PARD3B: variants seen among roughly 807,000 people sequenced by gnomAD.
PARD3B encodes par-3 family cell polarity regulator beta, also known as partitioning defective 3 homolog B.
A neutral mutation model predicts 130.2 loss-of-function variants in PARD3B; 103 were observed. The observed-to-expected ratio is 0.79, with a 90% CI of 0.67 to 0.93. PARD3B has a LOEUF of 0.93. Ranked by LOEUF, PARD3B falls within the 40% of genes least tolerant of loss-of-function variation. The pLI is 0.00. For missense variants in PARD3B, 1,609 were observed against 1,499.2 expected (o/e 1.07, Z -1.21); for synonymous variants, 583 against 553.2 (o/e 1.05, Z -0.76).
At chr2:205,542,608 C>T (rs2052206695) in intron 21 of PARD3B, among the ~76,000 whole-genome samples, 1 of 152,096 alleles carries the variant, frequency 6.6e-6, no homozygotes, top group Non-Finnish European at 1.5e-5. Context: ...TAGGACAGGT[C>T]TGATAATGTT....
rs1002459475 is a variant in PARD3B, at chr2:205,309,592, C to T, written c.2630+7891C>T. On this transcript the variant is annotated intron_variant, in intron 18 of 22. Coordinates refer to ENST00000406610, the MANE Select transcript of PARD3B (RefSeq NM_001302769.2). This position sits in a 1 kb window ranked among gnomAD's most constrained non-coding sequence, Gnocchi z 4.7. Reference sequence around the variant, plus strand: ...TCCTACACACACATCACACCTACCACTACCACCACAAACAACACACCACCA... The same window carrying T: ...TCCTACACACACATCACACCTACCATTACCACCACAAACAACACACCACCA... Among the ~76,000 whole-genome samples, 7 of 152,184 alleles carry T rather than the reference C, an allele frequency of 4.6e-5. No homozygotes were observed. Among genetic ancestry groups the T allele is most frequent in the Non-Finnish European group, 7.4e-5 (5 of 68,018 alleles).
chr2:204,724,835 T>TG (rs1299471501), intron 2 of PARD3B, among the ~76,000 whole-genome samples: 2 of 5,298 alleles, frequency 3.8e-4, no homozygotes, highest in South Asian at 6.0e-3. Flanking sequence ...CATCGAATAG[T>TG]GGGGGGCGGG....
At chr2:204,599,999 A>G (rs141028134) in intron 1 of PARD3B, among the ~76,000 whole-genome samples, 1 of 151,752 alleles carries the variant, frequency 6.6e-6, no homozygotes, top group African/African-American at 2.4e-5. Flanking sequence ...TTTGAAAAAT[A>G]CCTGTTCAGA....
intron 2 of PARD3B, among the ~76,000 whole-genome samples, chr2:204,902,531 T>TGGTGGCGGGCGC (rs2046899834): frequency 6.6e-6 from 1 of 151,602 alleles, no homozygotes; most frequent in Non-Finnish European, 1.5e-5. Flanking sequence ...TAGCCGGGCG[T>TGGTGGCGGGCGC]GGTGGCGGGC....
chr2:205,254,088 TAAAAAA>T (rs11287171), intron 16 of PARD3B, among the ~76,000 whole-genome samples: 4,442 of 75,968 alleles, frequency 0.058, 94 homozygotes, highest in Middle Eastern at 0.098. Context: ...GTAGAGAAAT[TAAAAAA>T]AAAAAAAAAA....
chr2:205,457,658 T>C lies in PARD3B; in HGVS notation c.3044+16986T>C. On this transcript the variant is annotated intron_variant, in intron 20 of 22. Coordinates refer to ENST00000406610, the MANE Select transcript of PARD3B (RefSeq NM_001302769.2). ...AAACAGTTTTATTTCATCTTTATTT[T>C]TAAGGATATTTTCTCTAGGTATGTA... 1.3e-5 allele frequency among the ~76,000 whole-genome samples: 2 copies of C among 152,086 alleles called. 1 individual carries two copies. The highest frequency in any genetic ancestry group is 2.9e-5 in the Non-Finnish European group (2 of 67,982).
intron 4 of PARD3B, among the ~76,000 whole-genome samples, chr2:205,077,725 GAT>G (rs142004646): frequency 1.3e-5 from 2 of 151,170 alleles, no homozygotes. Context: ...GGACGTCTGG[GAT>G]ATATATATAT....
intron 18 of PARD3B, among the ~76,000 whole-genome samples, chr2:205,385,266 T>C (rs1649075265): frequency 6.6e-6 from 1 of 152,152 alleles, no homozygotes; most frequent in Non-Finnish European, 1.5e-5. Context: ...TGCCTTTCTT[T>C]CCTAAATCCC....
intron 15 of PARD3B, among the ~76,000 whole-genome samples, chr2:205,200,172 C>T (rs1190570456): frequency 6.6e-6 from 1 of 152,130 alleles, no homozygotes; most frequent in African/African-American, 2.4e-5. Context: ...CAGAGGTAGA[C>T]ACAGCATTAA....
At position 205,460,320 on chromosome 2, in the gene PARD3B, A is replaced by C. The variant is rs1311523541; in HGVS notation, c.3044+19648A>C. Among the ~76,000 whole-genome samples, 1 of 152,086 alleles carries C rather than the reference A, an allele frequency of 6.6e-6. No individual in the cohort carries two copies. The highest frequency in any genetic ancestry group is 1.5e-5 in the Non-Finnish European group (1 of 68,018). ...AAACTATATCAGATAAAGGATGCCC[A>C]GAATTTGCTCAGATGTGAGTTTCAG... is the stretch of plus-strand genomic sequence containing the variant. On this transcript the variant is annotated intron_variant, in intron 20 of 22. Transcript: ENST00000406610. This position sits in a 1 kb window ranked among gnomAD's most constrained non-coding sequence, Gnocchi z 4.9.
intron 2 of PARD3B, among the ~76,000 whole-genome samples, chr2:204,883,793 G>T (rs1490953411): frequency 6.8e-6 from 1 of 147,464 alleles, no homozygotes; most frequent in African/African-American, 2.5e-5. Context: ...AGGCTGGAGT[G>T]CAGTGGTGCA....
At chr2:205,057,757 G>A (rs1198620363) in intron 4 of PARD3B, among the ~76,000 whole-genome samples, 1 of 148,860 alleles carries the variant, frequency 6.7e-6, no homozygotes, top group African/African-American at 2.5e-5. Context: ...ATGTATGTGT[G>A]TATATATACA....
At chr2:204,550,654 G>A (rs1207031266) in intron 1 of PARD3B, among the ~76,000 whole-genome samples, 2 of 152,272 alleles carry the variant, frequency 1.3e-5, no homozygotes, top group East Asian at 3.9e-4. Flanking sequence ...ATTTGATAGG[G>A]TTTTCAAGAT....
At chr2:205,060,603 C>T (rs1289413104) in intron 4 of PARD3B, among the ~76,000 whole-genome samples, 1 of 152,028 alleles carries the variant, frequency 6.6e-6, no homozygotes, top group Non-Finnish European at 1.5e-5. Flanking sequence ...GGTGGAATTG[C>T]AAGGTTAATG....
intron 4 of PARD3B, among the ~76,000 whole-genome samples, chr2:205,101,761 A>T (rs1702805231): frequency 6.6e-6 from 1 of 152,182 alleles, no homozygotes; most frequent in South Asian, 2.1e-4. Flanking sequence ...ACATTATTCT[A>T]AGTGAAAGAA....
chr2:204,980,634 C>T (rs1482944450), intron 3 of PARD3B, among the ~76,000 whole-genome samples: 2 of 152,198 alleles, frequency 1.3e-5, no homozygotes, highest in Non-Finnish European at 2.9e-5. Context: ...CAGGGCATTT[C>T]ACCTCAATGG....
chr2:204,841,299 G>A (rs2044252784), intron 2 of PARD3B, among the ~76,000 whole-genome samples: 1 of 152,088 alleles, frequency 6.6e-6, no homozygotes, highest in South Asian at 2.1e-4. Context: ...CCTTGGGAAG[G>A]AGCCAGACAA....
intron 15 of PARD3B, among the ~76,000 whole-genome samples, chr2:205,217,895 T>TA (rs1477830487): frequency 2.6e-3 from 88 of 33,350 alleles, no homozygotes; most frequent in Non-Finnish European, 3.1e-3. Flanking sequence ...TATATATATA[T>TA]TTTTTTTTTT....
intron 2 of PARD3B, among the ~76,000 whole-genome samples, chr2:204,840,903 A>G (rs1002492558): frequency 6.6e-6 from 1 of 152,188 alleles, no homozygotes; most frequent in African/African-American, 2.4e-5. Context: ...GTATGTAAGT[A>G]TAGGAAAAAA....
Sources: gnomAD v4.1 joint callset for allele counts (sites outside exome capture counted in the v4.1 genomes callset) on GRCh38, gnomAD v4.1.1 for gene constraint, Gnocchi (gnomAD v3.1) non-coding constraint, MANE v1.5 for transcripts, NCBI Gene and HGNC (gene_info 2026-07-23, HGNC 2026-07-21) for gene names.